The following IL1RAPL1 variants were observed in gnomAD, a reference collection of about 807,000 sequenced individuals.
The protein encoded by IL1RAPL1 is interleukin-1 receptor accessory protein-like 1.
A neutral mutation model predicts 48.4 loss-of-function variants in IL1RAPL1; 3 were observed. That is an observed-to-expected ratio of 0.06 (90% CI 0.03 to 0.16). IL1RAPL1 has a LOEUF of 0.16. IL1RAPL1 is among the 10% of genes least tolerant of loss of function. The pLI is 1.00. For synonymous variants in IL1RAPL1, 185 were observed against 187.7 expected (o/e 0.99, Z 0.12); for missense variants, 349 against 530.6 (o/e 0.66, Z 3.36).
intron 5 of IL1RAPL1, among the ~76,000 whole-genome samples, chrX:29,528,249 C>T (rs984053847): frequency 1.8e-5 from 2 of 112,270 alleles, no homozygotes; most frequent in Non-Finnish European, 3.8e-5. Context: ...TTGGAAACTA[C>T]GTAATAGTCA....
At chrX:28,985,657 AT>A (rs377736234) in intron 2 of IL1RAPL1, among the ~76,000 whole-genome samples, 4,976 of 92,403 alleles carry the variant, frequency 0.054, 84 homozygotes, top group South Asian at 0.14. Context: ...TAACGAGCAC[AT>A]TTTTTTTTTT....
intron 3 of IL1RAPL1, among the ~76,000 whole-genome samples, chrX:29,365,291 T>C (rs892176443): frequency 1.2e-4 from 13 of 111,616 alleles, no homozygotes; most frequent in African/African-American, 3.6e-4. Flanking sequence ...CCTAGATTTG[T>C]GAATATGGAA....
chrX:29,804,095 GTTCT>G (rs1247457175), intron 6 of IL1RAPL1, among the ~76,000 whole-genome samples: 1 of 110,402 alleles, frequency 9.1e-6, no homozygotes, highest in Non-Finnish European at 1.9e-5. Context: ...GATTGACACT[GTTCT>G]TTCAATCAGT....
intron 2 of IL1RAPL1, among the ~76,000 whole-genome samples, chrX:29,072,712 TC>T (rs1447705128): frequency 8.9e-6 from 1 of 112,028 alleles, no homozygotes. Flanking sequence ...CTAAATTATC[TC>T]AGCTTGGTTA....
At chrX:29,867,211 A>G (rs994764632) in intron 6 of IL1RAPL1, among the ~76,000 whole-genome samples, 11 of 112,094 alleles carry the variant, frequency 9.8e-5, no homozygotes, top group African/African-American at 3.6e-4. Context: ...GAAATAGACA[A>G]CTAAACTTTT....
chrX:29,551,309 A>G lies in IL1RAPL1; in HGVS notation c.704-117121A>G, dbSNP rs764406228. ...GGACAGAGTTGAAATATATTTTGTT[A>G]CGTGCTGATGAATTGAATATGAAGA... On this transcript the variant is annotated intron_variant, in intron 5 of 10. Transcript: ENST00000378993. Among the ~76,000 whole-genome samples the G allele has an allele frequency of 6.2e-5, 7 of 112,170 alleles. No homozygotes were observed. The East Asian group carries it at 2.0e-3, about 31-fold the overall frequency.
At chrX:29,894,363 A>G (rs777719173) in intron 6 of IL1RAPL1, among the ~76,000 whole-genome samples, 1 of 112,633 alleles carries the variant, frequency 8.9e-6, no homozygotes, top group Non-Finnish European at 1.9e-5. Context: ...TTTTTAGCAC[A>G]TAGAAAAAAT....
intron 6 of IL1RAPL1, among the ~76,000 whole-genome samples, chrX:29,776,439 T>C (rs916793901): frequency 8.9e-6 from 1 of 112,129 alleles, no homozygotes; most frequent in Admixed American, 9.5e-5. Context: ...CTCCCCCTTT[T>C]CAGCATTTAC....
chrX:29,640,857 T>C (rs1316755759), intron 5 of IL1RAPL1, among the ~76,000 whole-genome samples: 2 of 112,175 alleles, frequency 1.8e-5, no homozygotes, highest in Non-Finnish European at 3.8e-5. Flanking sequence ...TTACATTACA[T>C]TATCTTCTGC....
intron 5 of IL1RAPL1, among the ~76,000 whole-genome samples, chrX:29,622,641 A>G (rs920867539): frequency 9.0e-6 from 1 of 111,501 alleles, no homozygotes; most frequent in Non-Finnish European, 1.9e-5. Context: ...CACTTCACCT[A>G]TGGCCTCTTA....
intron 5 of IL1RAPL1, among the ~76,000 whole-genome samples, chrX:29,560,200 C>T (rs7884024): frequency 0.14 from 16,026 of 110,973 alleles, 1,548 homozygotes; most frequent in African/African-American, 0.35. Flanking sequence ...CTCTTGTACT[C>T]CGGATATATA....
At chrX:29,350,291 A>G (rs1933212675) in intron 3 of IL1RAPL1, among the ~76,000 whole-genome samples, 1 of 88,913 alleles carries the variant, frequency 1.1e-5, no homozygotes, top group Non-Finnish European at 2.1e-5. Context: ...ACTGCCACCA[A>G]TGCCTGTTAA....
chrX:28,811,135 T>A (rs1601913315), intron 2 of IL1RAPL1, among the ~76,000 whole-genome samples: 1 of 110,727 alleles, frequency 9.0e-6, no homozygotes, highest in Admixed American at 9.6e-5. Context: ...CATTTAATAC[T>A]CCCTTTGGTA....
intron 2 of IL1RAPL1, among the ~76,000 whole-genome samples, chrX:29,201,032 C>T (rs1380229903): frequency 9.1e-6 from 1 of 110,455 alleles, no homozygotes; most frequent in Non-Finnish European, 1.9e-5. Flanking sequence ...CCATGTGTTA[C>T]ATGGGAATTT....
intron 2 of IL1RAPL1, among the ~76,000 whole-genome samples, chrX:29,175,073 C>CAAAAAAA (rs3065738): frequency 1.6e-5 from 1 of 61,530 alleles, no homozygotes; most frequent in African/African-American, 6.3e-5. Flanking sequence ...GACTCCGTCT[C>CAAAAAAA]AAAAAAAAAA....
chrX:29,942,619 AT>A (rs748964603), intron 9 of IL1RAPL1, among the ~76,000 whole-genome samples: 388 of 101,717 alleles, frequency 3.8e-3, no homozygotes, highest in Middle Eastern at 1.0e-2. Context: ...TTTCTTCATC[AT>A]TTTTTTTTTT....
At chrX:28,963,328 A>G (rs763040770) in intron 2 of IL1RAPL1, among the ~76,000 whole-genome samples, 156 of 111,197 alleles carry the variant, frequency 1.4e-3, no homozygotes, top group Admixed American at 3.4e-3. Flanking sequence ...TTTTGGTTGT[A>G]TTTCATAAAT....
chrX:29,023,044 G>A (rs924587661), intron 2 of IL1RAPL1, among the ~76,000 whole-genome samples: 4 of 112,114 alleles, frequency 3.6e-5, no homozygotes, highest in Non-Finnish European at 7.5e-5. Context: ...TACAGCTGAT[G>A]TAAGCTTTTC....
chrX:29,320,633 C>T (rs1241204668), intron 3 of IL1RAPL1, among the ~76,000 whole-genome samples: 5 of 109,547 alleles, frequency 4.6e-5, no homozygotes, highest in South Asian at 7.9e-4. Context: ...AAAAATTACC[C>T]GGGCGTGGTG....
Sources: gnomAD v4.1 joint callset for allele counts (sites outside exome capture counted in the v4.1 genomes callset) on GRCh38, gnomAD v4.1.1 for gene constraint, MANE v1.5 for transcripts, NCBI Gene and HGNC (gene_info 2026-07-23, HGNC 2026-07-21) for gene names.